The following PTGIS variants were observed in gnomAD, a reference collection of about 807,000 sequenced individuals.
PTGIS encodes the protein prostacyclin synthase.
In PTGIS, 45 loss-of-function variants were observed where a neutral mutation model predicts 50.3. The observed-to-expected ratio is 0.90, with a 90% CI of 0.70 to 1.15. The LOEUF is 1.15. Ranked by LOEUF, PTGIS falls within the 50% of genes most tolerant of loss-of-function variation. PTGIS has a pLI of 0.00. For missense variants in PTGIS, 668 were observed against 661.3 expected (o/e 1.01, Z -0.11); for synonymous variants, 260 against 267.7 (o/e 0.97, Z 0.28).
chr20:49,544,539 A>G (rs1162226161), intron 3 of PTGIS, 91 bp from the exon 4 acceptor site: 1 of 1,458,644 alleles, frequency 6.9e-7, no homozygotes, highest in Non-Finnish European at 9.6e-7. Flanking sequence ...AGGGTCCCAG[A>G]GCTCAAGCTC....
At chr20:49,526,889 C>T (rs1456818616) in intron 5 of PTGIS, among the ~76,000 whole-genome samples, 1 of 152,190 alleles carries the variant, frequency 6.6e-6, no homozygotes, top group African/African-American at 2.4e-5. Context: ...ATGTAAAATA[C>T]TGCAGTTGCT....
Position 49,514,276 on chromosome 20 carries a change from C to A in PTGIS, c.975G>T (p.Ser325=). 1 of 1,614,064 alleles carries A rather than the reference C, an allele frequency of 6.2e-7. No individual in the cohort carries two copies. The highest frequency in any genetic ancestry group is 8.5e-7 in the Non-Finnish European group (1 of 1,180,026). The change falls in exon 7 of 10, where the codon TCG becomes TCT. Residue 325 remains serine, a synonymous_variant. Transcript: ENST00000244043. ...CCTTCTGTGGGAGAGTGGTCGTCTG[C>A]GAGACAGGCTGCTCCGCTTGCCAAA... ...SILWQAEQPV[S]QTTTLPQKVL...
chr20:49,543,353 C>T (rs904595120), intron 4 of PTGIS, among the ~76,000 whole-genome samples: 5 of 152,188 alleles, frequency 3.3e-5, no homozygotes, highest in African/African-American at 1.2e-4. Context: ...CCCCTCCTTA[C>T]CCCTACAGTC....
Position 49,552,491 on chromosome 20 carries a change from C to T in PTGIS, c.75-2302G>A, listed in dbSNP as rs139381310. Among the ~76,000 whole-genome samples, 251 of 152,300 alleles carry T rather than the reference C, an allele frequency of 1.6e-3. 2 individuals carry two copies. The highest frequency in any genetic ancestry group is 5.7e-3 in the African/African-American group (236 of 41,568). On this transcript the variant is annotated intron_variant, in intron 1 of 9. Coordinates refer to ENST00000244043, the MANE Select transcript of PTGIS (RefSeq NM_000961.4). ...ATCCATTTTTAATCTCCCTCTAACACACCCAGTCTCTCTCTCCCTCTTTCT... is the reference window on the plus strand; with the variant it reads ...ATCCATTTTTAATCTCCCTCTAACATACCCAGTCTCTCTCTCCCTCTTTCT...
chr20:49,565,954 G>T (rs1601209324), intron 1 of PTGIS, among the ~76,000 whole-genome samples: 1 of 152,330 alleles, frequency 6.6e-6, no homozygotes, highest in East Asian at 1.9e-4. Context: ...GCTCAGCAGG[G>T]CGCGGTGACT....
rs61322884 is a variant in PTGIS, at chr20:49,539,712, G to A, written c.531C>T (p.Tyr177=). Residue 177 remains tyrosine (Y), a synonymous_variant, in exon 5 of 10, where the codon TAC becomes TAT. Transcript: ENST00000244043. ...FSYSFLLRAG[Y]LTLYGIEALP... is the part of the protein sequence containing the mutation. ...GCGCCTCAATTCCGTAAAGAGTCAGGTAGCCGGCTCTGGGGGCGGCAGACA... is the reference window on the plus strand; with the variant it reads ...GCGCCTCAATTCCGTAAAGAGTCAGATAGCCGGCTCTGGGGGCGGCAGACA... 0.028 allele frequency: 45,248 copies of A among 1,612,226 alleles called. 794 individuals are homozygous for A. Among genetic ancestry groups the A allele is most frequent in the Non-Finnish European group, 0.032 (38,123 of 1,179,802 alleles).
chr20:49,508,109 AGG>A, intron 9 of PTGIS, 45 bp from the exon 10 acceptor site: 5 of 1,609,716 alleles, frequency 3.1e-6, no homozygotes, highest in South Asian at 1.1e-5. Context: ...GGAGTAGGGC[AGG>A]GGGTTATCGG....
At chr20:49,522,669 T>C (rs1981681400) in intron 6 of PTGIS, among the ~76,000 whole-genome samples, 1 of 152,158 alleles carries the variant, frequency 6.6e-6, no homozygotes, top group Admixed American at 6.5e-5. Flanking sequence ...ATAACTGGTC[T>C]GCACACTTCA....
At chr20:49,549,031 G>A (rs148845323) in intron 2 of PTGIS, among the ~76,000 whole-genome samples, 99 of 152,316 alleles carry the variant, frequency 6.5e-4, no homozygotes, top group Admixed American at 1.8e-3. Context: ...TGTAAGGATG[G>A]ATGGATGAGA....
intron 4 of PTGIS, among the ~76,000 whole-genome samples, chr20:49,543,278 C>G (rs1039833356): frequency 7.2e-5 from 11 of 152,048 alleles, no homozygotes; most frequent in African/African-American, 2.7e-4. Flanking sequence ...CCCTGGGCCA[C>G]CACCATTCTC....
In PTGIS at chr20:49,513,121, G is replaced by A. The variant is rs762753206; in HGVS notation, c.1165C>T (p.Leu389=). Residue 389 remains leucine, a synonymous_variant, in exon 8 of 10, where the codon CTG becomes TTG. Transcript: ENST00000244043. Reference sequence around the variant, plus strand: ...ATTTCTGGGTCTCTCTGGGGGCTCAGGAAGGGGAAGAGGAGGAGGCGGTCA... The same window carrying A: ...ATTTCTGGGTCTCTCTGGGGGCTCAAGAAGGGGAAGAGGAGGAGGCGGTCA... ...RGDRLLLFPF[L]SPQRDPEIYT... The A allele has an allele frequency of 2.9e-5, 46 of 1,610,364 alleles. 2 individuals are homozygous for A. The South Asian group carries it at 5.1e-4, about 18-fold the overall frequency.
At chr20:49,552,246 CT>C (rs1325926924) in intron 1 of PTGIS, among the ~76,000 whole-genome samples, 3 of 152,018 alleles carry the variant, frequency 2.0e-5, no homozygotes, top group Non-Finnish European at 4.4e-5. Flanking sequence ...TAGAGAAATG[CT>C]TTTGTAACAA....
At chr20:49,522,339 C>G (rs532117605) in intron 6 of PTGIS, among the ~76,000 whole-genome samples, 2 of 152,186 alleles carry the variant, frequency 1.3e-5, no homozygotes, top group South Asian at 4.2e-4. Context: ...AGAGCAGACC[C>G]GAAAGTCTCT....
intron 5 of PTGIS, among the ~76,000 whole-genome samples, chr20:49,533,265 T>C (rs964640714): frequency 6.6e-6 from 1 of 152,186 alleles, no homozygotes; most frequent in Non-Finnish European, 1.5e-5. Context: ...TTGAAATGCA[T>C]CAGAGTTTTG....
chr20:49,550,621 TTTGGTAACAGC>T (rs1982481692), intron 1 of PTGIS, among the ~76,000 whole-genome samples: 1 of 152,202 alleles, frequency 6.6e-6, no homozygotes, highest in Non-Finnish European at 1.5e-5. Flanking sequence ...CCTGTTGGTG[TTTGGTAACAGC>T]TTGGTATCTG....
chr20:49,530,489 T>C (rs1307087582), intron 5 of PTGIS, among the ~76,000 whole-genome samples: 1 of 152,230 alleles, frequency 6.6e-6, no homozygotes, highest in Non-Finnish European at 1.5e-5. Flanking sequence ...TTTGATTTTT[T>C]AGGAACCTCC....
chr20:49,521,038 C>T (rs895917064), intron 6 of PTGIS, among the ~76,000 whole-genome samples: 4 of 152,194 alleles, frequency 2.6e-5, no homozygotes, highest in African/African-American at 7.2e-5. Flanking sequence ...TTTTGCTCAC[C>T]GCTCTATCCC....
At position 49,511,015 on chromosome 20, in the gene PTGIS, G is replaced by GC; in HGVS notation, c.1358+12dup. The GC allele has an allele frequency of 1.9e-6, 3 of 1,611,678 alleles. No individual in the cohort carries two copies. Among genetic ancestry groups the GC allele is most frequent in the South Asian group, 2.2e-5 (2 of 90,986 alleles). On this transcript the variant is annotated intron_variant, in intron 9 of 9. Coordinates refer to ENST00000244043, the MANE Select transcript of PTGIS (RefSeq NM_000961.4). ...CAGGAGCCACCCTGGCCCTGCCCTG[G>GC]CCCCCCACTCACTGTTTGATGCTGT...
intron 6 of PTGIS, 86 bp downstream of exon 6, chr20:49,523,972 G>C (rs898223036): frequency 6.7e-7 from 1 of 1,482,950 alleles, no homozygotes; most frequent in African/African-American, 1.4e-5. Context: ...CACCTGCACA[G>C]GTGCACAGAC....
Sources: gnomAD v4.1 joint callset for allele counts (sites outside exome capture counted in the v4.1 genomes callset) on GRCh38, gnomAD v4.1.1 for gene constraint, MANE v1.5 for transcripts, NCBI Gene and HGNC (gene_info 2026-07-23, HGNC 2026-07-21) for gene names.